CACNA2D3: variants seen among roughly 807,000 people sequenced by gnomAD.
The protein encoded by CACNA2D3 is calcium voltage-gated channel auxiliary subunit alpha2delta 3.
CACNA2D3 carries 60 observed loss-of-function variants against 160.6 expected under a neutral mutation model. The observed-to-expected ratio is 0.37, with a 90% CI of 0.30 to 0.46. CACNA2D3 has a LOEUF of 0.46. Ranked by LOEUF, CACNA2D3 falls within the 20% of genes least tolerant of loss-of-function variation. The probability of loss-of-function intolerance (pLI) is 1.00; values close to 1 mark genes in which losing one functional copy is unlikely to be tolerated. For missense variants in CACNA2D3, 1,205 were observed against 1,365.0 expected, an observed-to-expected ratio of 0.88 and a Z score of 1.85; for synonymous variants, 558 against 492.9, an observed-to-expected ratio of 1.13 and a Z score of -1.75.
chr3:54,480,656 G>A (rs1700918285), intron 4 of CACNA2D3, among the ~76,000 whole-genome samples: 1 of 151,072 alleles, frequency 6.6e-6, no homozygotes, highest in Admixed American at 6.6e-5. Flanking sequence ...TGGCCAACTT[G>A]GGCTGCCTTC....
rs935975574 is a variant in CACNA2D3, at chr3:55,050,738, C to T, written c.2988-22707C>T. 3.9e-3 allele frequency among the ~76,000 whole-genome samples: 514 copies of T among 132,486 alleles called. 26 individuals are homozygous for T. Among genetic ancestry groups the T allele is most frequent in the African/African-American group, 6.3e-3 (189 of 30,136 alleles). The allele number at this position is 132,486 out of a possible 152,430, so 86.9% of individuals were successfully genotyped here. On this transcript the variant is annotated intron_variant, in intron 35 of 37. Transcript: ENST00000474759. ...CCATTCTCCCCATCACTTTCAGGTACACCAATCAGACGTAGATTTGGTCTT... is the reference window on the plus strand; with the variant it reads ...CCATTCTCCCCATCACTTTCAGGTATACCAATCAGACGTAGATTTGGTCTT...
At chr3:54,165,320 C>G (rs575041752) in intron 2 of CACNA2D3, among the ~76,000 whole-genome samples, 1 of 152,004 alleles carries the variant, frequency 6.6e-6, no homozygotes, top group South Asian at 2.1e-4. Flanking sequence ...GTGGAACTGT[C>G]CCTGACTGAG....
chr3:54,608,161 C>T (rs1454496473), intron 9 of CACNA2D3, among the ~76,000 whole-genome samples: 2 of 152,124 alleles, frequency 1.3e-5, no homozygotes, highest in Non-Finnish European at 2.9e-5. Context: ...AATGTGAAAA[C>T]TGGTGAAATC....
intron 13 of CACNA2D3, among the ~76,000 whole-genome samples, chr3:54,775,395 C>T (rs1328190212): frequency 1.3e-5 from 2 of 152,158 alleles, no homozygotes; most frequent in African/African-American, 4.8e-5. Context: ...AGCAGAGGTC[C>T]TCTGGTAGGT....
intron 2 of CACNA2D3, among the ~76,000 whole-genome samples, chr3:54,242,171 A>G (rs1701985894): frequency 6.6e-6 from 1 of 152,240 alleles, no homozygotes; most frequent in South Asian, 2.1e-4. Context: ...GTGTAATCCT[A>G]GCACTTTGGG....
intron 29 of CACNA2D3, among the ~76,000 whole-genome samples, chr3:54,978,893 G>A (rs1377397691): frequency 6.6e-6 from 1 of 152,220 alleles, no homozygotes; most frequent in African/African-American, 2.4e-5. Context: ...CACAGTTCTT[G>A]AAACATAATT....
chr3:54,972,636 C>A (rs1702300484), intron 29 of CACNA2D3, among the ~76,000 whole-genome samples: 1 of 152,098 alleles, frequency 6.6e-6, no homozygotes, highest in South Asian at 2.1e-4. Flanking sequence ...TCCACTCCAG[C>A]CCCTTTGTCT....
At chr3:54,691,063 C>G (rs1031450107) in intron 11 of CACNA2D3, among the ~76,000 whole-genome samples, 1 of 152,058 alleles carries the variant, frequency 6.6e-6, no homozygotes, top group East Asian at 1.9e-4. Flanking sequence ...TTTGAAGATG[C>G]CTTTAGAAGA....
rs183322573 is a variant in CACNA2D3, at chr3:54,419,371, C to T, written c.381+32597C>T. 1.8e-3 allele frequency among the ~76,000 whole-genome samples: 272 copies of T among 152,296 alleles called. 1 individual carries two copies. The highest frequency in any genetic ancestry group is 6.1e-3 in the African/African-American group (255 of 41,562). On this transcript the variant is annotated intron_variant, in intron 4 of 37. Transcript: ENST00000474759. ...CCCTGTGCAGTCAGCCAGTTTTGGG[C>T]GCTAGGCCAGCTGACTGCTCAGTTT... is the stretch of plus-strand genomic sequence containing the variant.
intron 2 of CACNA2D3, among the ~76,000 whole-genome samples, chr3:54,166,240 A>G (rs1393648006): frequency 6.6e-6 from 1 of 152,212 alleles, no homozygotes; most frequent in Non-Finnish European, 1.5e-5. Context: ...TTTCCAGCAG[A>G]TACTCTGTGG....
At chr3:54,265,473 G>A (rs1702482686) in intron 2 of CACNA2D3, among the ~76,000 whole-genome samples, 1 of 151,956 alleles carries the variant, frequency 6.6e-6, no homozygotes, top group East Asian at 1.9e-4. Context: ...ACCTTGGCAT[G>A]TGTATACCTA....
chr3:54,168,608 A>G (rs936144645), intron 2 of CACNA2D3, among the ~76,000 whole-genome samples: 4 of 152,214 alleles, frequency 2.6e-5, no homozygotes, highest in Non-Finnish European at 4.4e-5. Flanking sequence ...TGCTGAGGTC[A>G]GCCGACTTCT....
At chr3:54,285,201 G>A (rs188214340) in intron 2 of CACNA2D3, among the ~76,000 whole-genome samples, 2 of 152,266 alleles carry the variant, frequency 1.3e-5, no homozygotes, top group African/African-American at 2.4e-5. Flanking sequence ...GGTGACAGAC[G>A]GCACCTGGAA....
At chr3:54,127,640 C>G (rs1387496267) in intron 2 of CACNA2D3, among the ~76,000 whole-genome samples, 1 of 152,176 alleles carries the variant, frequency 6.6e-6, no homozygotes, top group African/African-American at 2.4e-5. Flanking sequence ...TGCGTTCAAC[C>G]TATGCTGCGG....
chr3:55,067,716 GATACATACATAC>G lies in CACNA2D3; in HGVS notation c.2988-5709_2988-5698del, dbSNP rs59985203. 1.9e-4 allele frequency among the ~76,000 whole-genome samples: 28 copies of G among 151,204 alleles called. No homozygotes were observed. In the South Asian group the frequency reaches 2.1e-3, roughly 11 times the overall value. On this transcript the variant is annotated intron_variant, in intron 35 of 37. Transcript: ENST00000474759. ...CCTTTATTTATACATCCATGCATTA[GATACATACATAC>G]ATACATACATACATACATAAAGACA...
chr3:54,605,196 C>G (rs1698575899), intron 9 of CACNA2D3, among the ~76,000 whole-genome samples: 1 of 152,172 alleles, frequency 6.6e-6, no homozygotes, highest in Non-Finnish European at 1.5e-5. Flanking sequence ...GGGGTCCAAC[C>G]TACTCCAGTG....
intron 6 of CACNA2D3, among the ~76,000 whole-genome samples, chr3:54,564,449 G>A (rs1702377151): frequency 6.6e-6 from 1 of 152,194 alleles, no homozygotes; most frequent in Non-Finnish European, 1.5e-5. Flanking sequence ...GTGGGCCGCA[G>A]TCCACCAAGG....
intron 35 of CACNA2D3, among the ~76,000 whole-genome samples, chr3:55,061,465 T>C (rs1471206946): frequency 6.6e-6 from 1 of 152,162 alleles, no homozygotes; most frequent in Non-Finnish European, 1.5e-5. Context: ...TGATACGGAA[T>C]TTAAGAGCTT....
chr3:54,772,491 C>G (rs1160198877), intron 13 of CACNA2D3, among the ~76,000 whole-genome samples: 3 of 142,198 alleles, frequency 2.1e-5, no homozygotes, highest in African/African-American at 7.7e-5. Flanking sequence ...TTAACCAATT[C>G]TAGAATCAGA....
Sources: gnomAD v4.1 joint callset for allele counts (sites outside exome capture counted in the v4.1 genomes callset) on GRCh38, gnomAD v4.1.1 for gene constraint, MANE v1.5 for transcripts, NCBI Gene and HGNC (gene_info 2026-07-23, HGNC 2026-07-21) for gene names.